The following TRIM16 variants were observed in gnomAD, a reference collection of about 807,000 sequenced individuals.
The protein encoded by TRIM16 is tripartite motif containing 16.
TRIM16 carries 33 observed loss-of-function variants against 50.4 expected under a neutral mutation model. That is an observed-to-expected ratio of 0.65 (90% CI 0.50 to 0.88). TRIM16 has a LOEUF of 0.88. TRIM16 is among the 40% of genes least tolerant of loss of function. The probability of loss-of-function intolerance (pLI) is 0.00; values close to 1 mark genes in which losing one functional copy is unlikely to be tolerated. For missense variants in TRIM16, 581 were observed against 686.8 expected, an observed-to-expected ratio of 0.85 and a Z score of 1.72; for synonymous variants, 229 against 270.7, an observed-to-expected ratio of 0.85 and a Z score of 1.51.
intron 7 of TRIM16, among the ~76,000 whole-genome samples, chr17:15,647,268 G>A (rs374524959): frequency 1.4e-4 from 22 of 152,218 alleles, no homozygotes; most frequent in Admixed American, 4.6e-4. Flanking sequence ...CACCGCGCCC[G>A]GCCCAAGTAA....
intron 6 of TRIM16, among the ~76,000 whole-genome samples, chr17:15,655,133 T>A (rs1312050545): frequency 1.3e-5 from 2 of 152,210 alleles, no homozygotes; most frequent in African/African-American, 4.8e-5. Flanking sequence ...CCATTGTCAG[T>A]GTTTTCTCCA....
At chr17:15,662,157 G>T (rs1406693915) in intron 6 of TRIM16, among the ~76,000 whole-genome samples, 1 of 152,210 alleles carries the variant, frequency 6.6e-6, no homozygotes, top group African/African-American at 2.4e-5. Context: ...GCAAATTTAA[G>T]TTGATGATAT....
chr17:15,655,895 T>C (rs975197741), intron 6 of TRIM16, among the ~76,000 whole-genome samples: 3 of 152,224 alleles, frequency 2.0e-5, no homozygotes, highest in Admixed American at 2.0e-4. Flanking sequence ...TTAACCTTAG[T>C]TTCCTTGTCC....
chr17:15,655,929 G>C (rs1452950393), intron 6 of TRIM16, among the ~76,000 whole-genome samples: 1 of 152,194 alleles, frequency 6.6e-6, no homozygotes, highest in Non-Finnish European at 1.5e-5. Flanking sequence ...GTTGTCCTAA[G>C]TCAGGGCCGG....
rs191085757 is a variant in TRIM16 at position 15,676,536 on chromosome 17, C to T, written c.-338+640G>A. Among the ~76,000 whole-genome samples, 119 of 151,658 alleles carry T rather than the reference C, an allele frequency of 7.8e-4. 1 individual carries two copies. In the East Asian group the frequency reaches 0.02, roughly 26 times the overall value. ...TGCAAGCCCCACCTCCTGGGGTTCA[C>T]GCCATTCTCCTGCCTCAACCTCCCA... On this transcript the variant is annotated intron_variant, in intron 6 of 11. Coordinates refer to ENST00000649191, the MANE Select transcript of TRIM16 (RefSeq NM_001348119.1).
In TRIM16 at chr17:15,655,543, C is replaced by T. The variant is rs80333857; in HGVS notation, c.-337-3597G>A. Among the ~76,000 whole-genome samples, 934 of 152,118 alleles carry T rather than the reference C, an allele frequency of 6.1e-3. 8 individuals carry two copies. The highest frequency in any genetic ancestry group is 8.9e-3 in the Non-Finnish European group (608 of 67,976). ...GGAAAACAGGAAATGGGAATGTGGG[C>T]CCTAGCCTGGCCTGTGCCAATCATT... is the stretch of plus-strand genomic sequence containing the variant. On this transcript the variant is annotated intron_variant, in intron 6 of 11. Transcript: ENST00000649191.
chr17:15,635,919 C>T (rs1986711843), intron 9 of TRIM16, 117 bp downstream of exon 9: 2 of 909,518 alleles, frequency 2.2e-6, no homozygotes, highest in Non-Finnish European at 1.7e-6. Flanking sequence ...TCCCACTGCT[C>T]CCTGTGCACA....
At chr17:15,642,422 A>C (rs1310597863) in intron 8 of TRIM16, among the ~76,000 whole-genome samples, 3 of 148,756 alleles carry the variant, frequency 2.0e-5, no homozygotes, top group Admixed American at 1.3e-4. Flanking sequence ...CCAGCCCCCC[A>C]CACACATACA....
intron 4 of TRIM16, 63 bp downstream of exon 4, chr17:15,680,802 G>A: frequency 1.3e-6 from 2 of 1,490,542 alleles, no homozygotes; most frequent in South Asian, 1.3e-5. Context: ...TCTGAGAAGA[G>A]AGGAAAATCC....
intron 6 of TRIM16, among the ~76,000 whole-genome samples, chr17:15,666,881 C>T (rs1290060188): frequency 6.6e-6 from 1 of 152,224 alleles, no homozygotes; most frequent in Non-Finnish European, 1.5e-5. Context: ...ATCCTTTTAC[C>T]AGCCTACCTG....
chr17:15,678,901 G>A (rs1202574575), intron 4 of TRIM16, among the ~76,000 whole-genome samples: 2 of 140,606 alleles, frequency 1.4e-5, no homozygotes, highest in African/African-American at 2.8e-5. Flanking sequence ...TTTTTGAGAC[G>A]GAGTCTCACT....
chr17:15,674,651 T>C (rs1988853211), intron 6 of TRIM16, among the ~76,000 whole-genome samples: 2 of 152,152 alleles, frequency 1.3e-5, no homozygotes, highest in Admixed American at 1.3e-4. Flanking sequence ...CCCCATTCCC[T>C]AGCTACTTTA....
chr17:15,661,751 C>T (rs574312013), intron 6 of TRIM16, among the ~76,000 whole-genome samples: 1 of 152,338 alleles, frequency 6.6e-6, no homozygotes, highest in South Asian at 2.1e-4. Context: ...CCCTTAAGCT[C>T]CATGACGCCA....
chr17:15,680,338 T>C (rs928994471), intron 4 of TRIM16, among the ~76,000 whole-genome samples: 3 of 139,380 alleles, frequency 2.2e-5, no homozygotes, highest in Non-Finnish European at 4.5e-5. Flanking sequence ...AGGCCCTTAA[T>C]AATAAGGCCC....
Position 15,651,833 on chromosome 17 carries a change from C to T in TRIM16, c.-224G>A. 2 of 1,431,792 alleles carry T rather than the reference C, an allele frequency of 1.4e-6. No homozygotes were observed. The highest frequency in any genetic ancestry group is 1.8e-6 in the Non-Finnish European group (2 of 1,097,876). The allele number at this position is 1,431,792 out of a possible 1,614,324, so 88.7% of individuals were successfully genotyped here. The stretch of plus-strand genomic sequence containing the variant: ...GCAGCTAGAGTACTCAGGCTCAGGA[C>T]AGCCGGCTCAGGCTCAGGCTGCCTC... On this transcript the variant is annotated 5_prime_UTR_variant, in exon 7 of 12. Coordinates refer to ENST00000649191, the MANE Select transcript of TRIM16 (RefSeq NM_001348119.1).
At chr17:15,654,082 G>A (rs898993497) in intron 6 of TRIM16, among the ~76,000 whole-genome samples, 3 of 152,180 alleles carry the variant, frequency 2.0e-5, no homozygotes, top group Non-Finnish European at 4.4e-5. Context: ...ACTCCCTATG[G>A]CTCTGCATCC....
At chr17:15,661,207 T>TAC (rs1305271707) in intron 6 of TRIM16, among the ~76,000 whole-genome samples, 1 of 152,182 alleles carries the variant, frequency 6.6e-6, no homozygotes, top group African/African-American at 2.4e-5. Flanking sequence ...CCAATAAACT[T>TAC]ACAACAACCT....
At chr17:15,662,691 A>C (rs763825763) in intron 6 of TRIM16, among the ~76,000 whole-genome samples, 2 of 152,248 alleles carry the variant, frequency 1.3e-5, no homozygotes, top group African/African-American at 2.4e-5. Flanking sequence ...CTGACTACAC[A>C]TTCTGTGCAG....
At chr17:15,675,172 T>C (rs919254021) in intron 6 of TRIM16, among the ~76,000 whole-genome samples, 1 of 152,178 alleles carries the variant, frequency 6.6e-6, no homozygotes, top group Admixed American at 6.5e-5. Flanking sequence ...TCTATTAGGC[T>C]AGTCCAGATT....
Sources: gnomAD v4.1 joint callset for allele counts (sites outside exome capture counted in the v4.1 genomes callset) on GRCh38, gnomAD v4.1.1 for gene constraint, MANE v1.5 for transcripts, NCBI Gene and HGNC (gene_info 2026-07-23, HGNC 2026-07-21) for gene names.